NR3C2: variants seen among roughly 807,000 people sequenced by gnomAD.
NR3C2 encodes nuclear receptor subfamily 3 group C member 2.
Under a neutral mutation model 86.4 loss-of-function variants are expected in NR3C2, and 15 were observed. That is an observed-to-expected ratio of 0.17 (90% CI 0.12 to 0.27). NR3C2 has a LOEUF of 0.27. NR3C2 is among the 10% of genes least tolerant of loss of function. The pLI is 1.00. For synonymous variants in NR3C2, 458 were observed against 450.5 expected, an observed-to-expected ratio of 1.02 and a Z score of -0.21; for missense variants, 960 against 1,195.6, an observed-to-expected ratio of 0.80 and a Z score of 2.91.
intron 2 of NR3C2, among the ~76,000 whole-genome samples, chr4:148,271,504 CTGCT>C (rs1740683008): frequency 6.6e-6 from 1 of 152,096 alleles, no homozygotes; most frequent in Non-Finnish European, 1.5e-5. Flanking sequence ...TGAACTAGTG[CTGCT>C]CCATGTGGCC....
intron 2 of NR3C2, among the ~76,000 whole-genome samples, chr4:148,428,014 C>A (rs1034248139): frequency 2.6e-5 from 4 of 152,162 alleles, no homozygotes; most frequent in Non-Finnish European, 5.9e-5. Context: ...TTTCAAAGTA[C>A]CTTCCACAAA....
intron 2 of NR3C2, among the ~76,000 whole-genome samples, chr4:148,352,276 A>T (rs959535620): frequency 6.6e-6 from 1 of 152,136 alleles, no homozygotes; most frequent in Admixed American, 6.6e-5. Flanking sequence ...CTTATGGGAT[A>T]TTACCTTATG....
In NR3C2 at chr4:148,435,820, G is replaced by A. The variant is rs1306813266; in HGVS notation, c.1041C>T (p.Gly347=). Residue 347 remains glycine, a synonymous_variant, in exon 2 of 9, where the codon GGC becomes GGT. Coordinates refer to ENST00000358102, the MANE Select transcript of NR3C2 (RefSeq NM_000901.5). ...GCAATGTACTGGATCCAGCAGAGGT[G>A]CCAGAAGCAGTGTAGCTGAAGGCAT... ...VNNAFSYTAS[G]TSAGSSTLRD... 6.2e-7 allele frequency: 1 copy of A among 1,614,084 alleles called. No homozygotes were observed. Among genetic ancestry groups the A allele is most frequent in the Non-Finnish European group, 8.5e-7 (1 of 1,180,042 alleles).
intron 2 of NR3C2, among the ~76,000 whole-genome samples, chr4:148,417,289 A>T (rs1439952514): frequency 6.6e-6 from 1 of 152,172 alleles, no homozygotes; most frequent in South Asian, 2.1e-4. Flanking sequence ...GTATGTATGC[A>T]TGTGTGTATG....
chr4:148,325,417 A>T (rs1743912350), intron 2 of NR3C2, among the ~76,000 whole-genome samples: 1 of 152,160 alleles, frequency 6.6e-6, no homozygotes, highest in Non-Finnish European at 1.5e-5. Flanking sequence ...TCTTTTTTTA[A>T]TCTCTAGTAC....
At chr4:148,182,089 T>G (rs1418446884) in intron 4 of NR3C2, among the ~76,000 whole-genome samples, 1 of 152,210 alleles carries the variant, frequency 6.6e-6, no homozygotes, top group Non-Finnish European at 1.5e-5. Context: ...GTCTTCCAAG[T>G]ATTACGCTAT....
chr4:148,318,505 G>C (rs1211638825), intron 2 of NR3C2, among the ~76,000 whole-genome samples: 103 of 150,434 alleles, frequency 6.8e-4, no homozygotes, highest in African/African-American at 2.4e-3. Context: ...GTGTAAAAGT[G>C]TTCCTATTTC....
chr4:148,163,282 T>C (rs2149777122), intron 4 of NR3C2, among the ~76,000 whole-genome samples: 1 of 152,214 alleles, frequency 6.6e-6, no homozygotes, highest in East Asian at 1.9e-4. Flanking sequence ...TGCCCTAAGG[T>C]AGAAGAAAGT....
At chr4:148,243,797 A>T (rs1212258128) in intron 3 of NR3C2, among the ~76,000 whole-genome samples, 2 of 152,190 alleles carry the variant, frequency 1.3e-5, no homozygotes, top group Non-Finnish European at 2.9e-5. Flanking sequence ...AGCATTTGGC[A>T]CCCATGAAAA....
At chr4:148,354,607 A>C (rs550803584) in intron 2 of NR3C2, among the ~76,000 whole-genome samples, 5 of 152,210 alleles carry the variant, frequency 3.3e-5, no homozygotes, top group Non-Finnish European at 7.3e-5. Context: ...AATAGTTGTC[A>C]AGGCATGTTT....
chr4:148,346,915 G>C lies in NR3C2; in HGVS notation c.1758-86798C>G, dbSNP rs371738173. On this transcript the variant is annotated intron_variant, in intron 2 of 8. Transcript: ENST00000358102. Reference sequence around the variant, plus strand: ...GAAGAGTAAAAAGAAGCACTAATGAGAGTTTGTCTCTGATAGAATTGTGGG... The same window carrying C: ...GAAGAGTAAAAAGAAGCACTAATGACAGTTTGTCTCTGATAGAATTGTGGG... Among the ~76,000 whole-genome samples, 41 of 152,224 alleles carry C rather than the reference G, an allele frequency of 2.7e-4. 1 individual carries two copies. Among genetic ancestry groups the C allele is most frequent in the African/African-American group, 9.4e-4 (39 of 41,548 alleles).
At chr4:148,235,660 GTAAGTTT>G (rs907037035) in intron 3 of NR3C2, among the ~76,000 whole-genome samples, 29 of 151,964 alleles carry the variant, frequency 1.9e-4, no homozygotes, top group African/African-American at 5.3e-4. Context: ...TTGATTTTTA[GTAAGTTT>G]TATGGTTGTA....
intron 4 of NR3C2, among the ~76,000 whole-genome samples, chr4:148,186,520 T>C (rs1161707207): frequency 1.3e-5 from 2 of 152,146 alleles, no homozygotes; most frequent in Non-Finnish European, 2.9e-5. Flanking sequence ...CCTCAGGGGA[T>C]TGGTTCCAGG....
chr4:148,377,067 T>C (rs1579224900), intron 2 of NR3C2, among the ~76,000 whole-genome samples: 1 of 152,208 alleles, frequency 6.6e-6, no homozygotes, highest in East Asian at 1.9e-4. Flanking sequence ...AGACAACATA[T>C]TTCTAATTTA....
At chr4:148,236,495 TAAATA>T (rs1738756868) in intron 3 of NR3C2, among the ~76,000 whole-genome samples, 1 of 151,854 alleles carries the variant, frequency 6.6e-6, no homozygotes, top group South Asian at 2.1e-4. Context: ...TAATATATAA[TAAATA>T]AAATATACAA....
intron 2 of NR3C2, among the ~76,000 whole-genome samples, chr4:148,317,559 T>C (rs1743262658): frequency 6.6e-6 from 1 of 151,864 alleles, no homozygotes; most frequent in East Asian, 1.9e-4. Context: ...ATACAACTGG[T>C]TATGGTTATA....
At chr4:148,261,240 C>T (rs568595426) in intron 2 of NR3C2, among the ~76,000 whole-genome samples, 41 of 151,354 alleles carry the variant, frequency 2.7e-4, no homozygotes, top group Non-Finnish European at 5.2e-4. Context: ...CTATGGTAAG[C>T]GCTATGGTGC....
At chr4:148,148,940 A>C (rs940328262) in intron 6 of NR3C2, among the ~76,000 whole-genome samples, 2 of 152,228 alleles carry the variant, frequency 1.3e-5, no homozygotes, top group Non-Finnish European at 2.9e-5. Flanking sequence ...GCATGTATGC[A>C]TATGCATTTG....
intron 2 of NR3C2, among the ~76,000 whole-genome samples, chr4:148,279,726 T>G (rs1320450419): frequency 6.6e-6 from 1 of 152,018 alleles, no homozygotes; most frequent in Admixed American, 6.6e-5. Context: ...AGTAGTTATT[T>G]TATTTTATTT....
Sources: allele counts gnomAD v4.1 joint callset (sites outside exome capture counted in the v4.1 genomes callset), GRCh38; gene constraint gnomAD v4.1.1; transcripts MANE v1.5; gene names NCBI Gene and HGNC (gene_info 2026-07-23, HGNC 2026-07-21).